TBC1D1: variants seen among roughly 807,000 people sequenced by gnomAD.
TBC1D1 encodes TBC1 (tre-2/USP6, BUB2, cdc16) domain family, member 1.
TBC1D1 carries 89 observed loss-of-function variants against 125.6 expected under a neutral mutation model. That is an observed-to-expected ratio of 0.71 (90% CI 0.60 to 0.85). The LOEUF (loss-of-function observed/expected upper bound fraction) is 0.85, where lower values mean the gene tolerates loss of function less well. Ranked by LOEUF, TBC1D1 falls within the 40% of genes least tolerant of loss-of-function variation. The pLI is 0.00. For synonymous variants in TBC1D1, 565 were observed against 564.1 expected, an observed-to-expected ratio of 1.00 and a Z score of -0.02; for missense variants, 1,377 against 1,469.2, an observed-to-expected ratio of 0.94 and a Z score of 1.03.
At chr4:38,054,151 C>T (rs371349029) in intron 11 of TBC1D1, 48 bp from the exon 14 acceptor site, 33 of 1,580,464 alleles carry the variant, frequency 2.1e-5, no homozygotes, top group Middle Eastern at 1.7e-4. Flanking sequence ...AACAAAATCC[C>T]GTGAATTCCT....
intron 8 of TBC1D1, among the ~76,000 whole-genome samples, chr4:38,039,460 C>T (rs1391184549): frequency 4.6e-5 from 7 of 152,108 alleles, no homozygotes; most frequent in Admixed American, 3.9e-4. Flanking sequence ...CTTAGCATAA[C>T]GTTTCTGAGA....
In TBC1D1 at chr4:38,049,844, A is replaced by G. The variant is rs145177739; in HGVS notation, c.1856A>G (p.Gln619Arg). The G allele has an allele frequency of 3.6e-4, 574 of 1,614,002 alleles. 1 individual carries two copies. Among genetic ancestry groups the G allele is most frequent in the Non-Finnish European group, 3.8e-4 (444 of 1,180,008 alleles). ...GCCCGGGGGTCCCCGGGGGTTTCGCAAAGGAAACTTATGAGGTATCACTCA... is the reference window on the plus strand; with the variant it reads ...GCCCGGGGGTCCCCGGGGGTTTCGCGAAGGAAACTTATGAGGTATCACTCA... Residue 619 changes from glutamine (Q) to arginine (R), a missense_variant, in exon 11 of 20, where the codon CAA becomes CGA. By Grantham distance (43) the Gln-to-Arg change is conservative (BLOSUM62 1). This residue lies in a region of TBC1D1 where 822 missense variants were observed against 824.6 expected (regional missense o/e 1.00). Transcript: ENST00000261439.
At position 38,014,643 on chromosome 4, in the gene TBC1D1, G is replaced by A. The variant is rs1442502679; in HGVS notation, c.552G>A (p.Ala184=). 6 of 1,613,216 alleles carry A rather than the reference G, an allele frequency of 3.7e-6. No individual in the cohort carries two copies. In the East Asian group the frequency reaches 8.9e-5, roughly 24 times the overall value. ...TCTTCTGCGGCCGCGTGACGGTGGC[G>A]CACAAGAAGGCTCCGCCGGCCCTGA... is the stretch of plus-strand genomic sequence containing the variant. Residue 184 remains alanine (A), a synonymous_variant, in exon 3 of 20, where the codon GCG becomes GCA. Transcript: ENST00000261439. This position sits in a 1 kb window ranked among gnomAD's most constrained non-coding sequence, Gnocchi z 5.1.
intron 2 of TBC1D1, among the ~76,000 whole-genome samples, chr4:37,966,228 G>A (rs1731029081): frequency 6.6e-6 from 1 of 152,168 alleles, no homozygotes; most frequent in East Asian, 1.9e-4. Context: ...GCAAGCACCT[G>A]GACAGCCTGG....
intron 19 of TBC1D1, among the ~76,000 whole-genome samples, chr4:38,136,908 G>A (rs529497206): frequency 1.3e-5 from 2 of 152,240 alleles, no homozygotes; most frequent in African/African-American, 4.8e-5. Context: ...GCCATAGCAG[G>A]AGAAGAAAAT....
In TBC1D1 at chr4:38,014,891, G is replaced by T; in HGVS notation, c.800G>T (p.Ser267Ile). The change falls in exon 3 of 20, where the codon AGC (serine) becomes ATC (isoleucine). Residue 267 changes from serine (S) to isoleucine (I), a missense_variant. Transcript: ENST00000261439. This position sits in a 1 kb window ranked among gnomAD's most constrained non-coding sequence, Gnocchi z 5.1. ...GGCTTCTTCAGCTCCTTCGAGGAGAGCGACATTGAGAACCACCTCATTAGC... is the reference window on the plus strand; with the variant it reads ...GGCTTCTTCAGCTCCTTCGAGGAGATCGACATTGAGAACCACCTCATTAGC... 6.2e-7 allele frequency: 1 copy of T among 1,604,308 alleles called. No homozygotes were observed. The highest frequency in any genetic ancestry group is 8.5e-7 in the Non-Finnish European group (1 of 1,172,750).
chr4:37,905,848 A>G (rs1717193900), intron 2 of TBC1D1, among the ~76,000 whole-genome samples: 1 of 152,204 alleles, frequency 6.6e-6, no homozygotes, highest in African/African-American at 2.4e-5. Flanking sequence ...ACCTGTTACA[A>G]TTCTTTGAAG....
At chr4:38,051,403 G>GT (rs201475978) in intron 11 of TBC1D1, among the ~76,000 whole-genome samples, 22 of 150,738 alleles carry the variant, frequency 1.5e-4, no homozygotes, top group East Asian at 5.8e-4. Context: ...TTAAAGTTCA[G>GT]TTTTTTTTTG....
At chr4:37,937,360 A>T (rs915923054) in intron 2 of TBC1D1, among the ~76,000 whole-genome samples, 2 of 152,202 alleles carry the variant, frequency 1.3e-5, no homozygotes, top group African/African-American at 2.4e-5. Flanking sequence ...TGGGTAGCCT[A>T]AAAAGCACTC....
At chr4:38,070,336 T>C (rs1397774295) in intron 12 of TBC1D1, among the ~76,000 whole-genome samples, 1 of 152,258 alleles carries the variant, frequency 6.6e-6, no homozygotes, top group African/African-American at 2.4e-5. Context: ...ATAGTTGTCA[T>C]GTGGCTGACT....
intron 2 of TBC1D1, among the ~76,000 whole-genome samples, chr4:37,936,410 T>TAC (rs1724405052): frequency 6.6e-6 from 1 of 152,138 alleles, no homozygotes; most frequent in Admixed American, 6.5e-5. Context: ...TACCGCAACA[T>TAC]AAATGTCTGC....
chr4:38,090,201 T>TA, intron 13 of TBC1D1, 84 bp downstream of exon 15: 1 of 1,352,900 alleles, frequency 7.4e-7, no homozygotes, highest in Non-Finnish European at 1.0e-6. Flanking sequence ...CATGCTGTCT[T>TA]AAAAATACAG....
chr4:38,093,193 C>G (rs986509486), intron 13 of TBC1D1, among the ~76,000 whole-genome samples: 4 of 148,518 alleles, frequency 2.7e-5, no homozygotes, highest in African/African-American at 9.7e-5. Context: ...TGAGATGGCT[C>G]TTGAAATTGA....
chr4:37,912,948 T>G (rs1470682784), intron 2 of TBC1D1, among the ~76,000 whole-genome samples: 2 of 151,988 alleles, frequency 1.3e-5, no homozygotes, highest in African/African-American at 4.8e-5. Flanking sequence ...GGAAGTGAAA[T>G]GGATTAATTT....
chr4:38,110,177 A>G (rs1480207303), intron 15 of TBC1D1: 2 of 984,952 alleles, frequency 2.0e-6, no homozygotes, highest in Non-Finnish European at 2.4e-6. Flanking sequence ...CTGAAAATGC[A>G]GTCAGATGGG....
intron 15 of TBC1D1, among the ~76,000 whole-genome samples, chr4:38,109,612 C>T (rs1470735293): frequency 2.0e-5 from 3 of 152,164 alleles, no homozygotes; most frequent in Non-Finnish European, 4.4e-5. Context: ...GAGTTGGGCT[C>T]ACAGAGCCAG....
At chr4:37,917,056 G>A (rs1346279198) in intron 2 of TBC1D1, among the ~76,000 whole-genome samples, 1 of 151,728 alleles carries the variant, frequency 6.6e-6, no homozygotes, top group Non-Finnish European at 1.5e-5. Context: ...CAGGCGTGAG[G>A]CACCATGCCT....
intron 2 of TBC1D1, among the ~76,000 whole-genome samples, chr4:38,010,243 T>C (rs1578254682): frequency 6.6e-6 from 1 of 152,352 alleles, no homozygotes; most frequent in East Asian, 1.9e-4. Context: ...GCCAGCTCTC[T>C]CAGCCCTTAT....
intron 13 of TBC1D1, among the ~76,000 whole-genome samples, chr4:38,095,437 A>T (rs1276003016): frequency 6.6e-6 from 1 of 152,214 alleles, no homozygotes; most frequent in Non-Finnish European, 1.5e-5. Flanking sequence ...GGGTAGATTT[A>T]TTCAGTTTAA....
Sources: allele counts gnomAD v4.1 joint callset (sites outside exome capture counted in the v4.1 genomes callset), GRCh38; gene constraint gnomAD v4.1.1; regional missense constraint gnomAD v4.1.1; non-coding constraint Gnocchi (gnomAD v3.1); transcripts MANE v1.5; gene names NCBI Gene and HGNC (gene_info 2026-07-23, HGNC 2026-07-21).